Variants in ACTN1 observed in about 807,000 individuals in gnomAD.
ACTN1 encodes actinin alpha 1.
ACTN1 carries 30 observed loss-of-function variants against 119.6 expected under a neutral mutation model. That is an observed-to-expected ratio of 0.25 (90% CI 0.19 to 0.34). The LOEUF is 0.34. ACTN1 is among the 10% of genes least tolerant of loss of function. The pLI, the probability that ACTN1 is intolerant of heterozygous loss-of-function variation, is 1.00. For synonymous variants in ACTN1, 429 were observed against 472.6 expected (o/e 0.91, Z 1.20); for missense variants, 764 against 1,223.4 (o/e 0.62, Z 5.60).
At chr14:68,935,087 A>G (rs1210191826) in intron 1 of ACTN1, among the ~76,000 whole-genome samples, 2 of 152,140 alleles carry the variant, frequency 1.3e-5, no homozygotes, top group African/African-American at 4.8e-5. Flanking sequence ...CAATGGCACA[A>G]TCTCCGCTCA....
At chr14:68,911,606 T>C (rs1364071087) in intron 4 of ACTN1, among the ~76,000 whole-genome samples, 1 of 152,268 alleles carries the variant, frequency 6.6e-6, no homozygotes, top group Non-Finnish European at 1.5e-5. Context: ...TGTAAAAGTT[T>C]GTTTCAGTAT....
chr14:68,925,705 G>A lies in ACTN1; in HGVS notation c.106-33C>T. Reference sequence around the variant, plus strand: ...GAGACAAGAAGGGCAAGTGGTCAGGGGGCTGGTGTTGTCACCCTCATTGGA... The same window carrying A: ...GAGACAAGAAGGGCAAGTGGTCAGGAGGCTGGTGTTGTCACCCTCATTGGA... On this transcript the variant is annotated intron_variant, in intron 1 of 21. Transcript: ENST00000394419. The surrounding 1 kb of genome is among the most constrained non-coding windows in gnomAD (Gnocchi z 4.3). 1 of 1,576,206 alleles carries A rather than the reference G, an allele frequency of 6.3e-7. No individual in the cohort carries two copies. The highest frequency in any genetic ancestry group is 8.7e-7 in the Non-Finnish European group (1 of 1,150,764).
intron 6 of ACTN1, among the ~76,000 whole-genome samples, chr14:68,907,571 CAAAACA>C (rs1005414955): frequency 1.8e-4 from 27 of 151,964 alleles, no homozygotes; most frequent in African/African-American, 6.3e-4. Flanking sequence ...TCTCAAAAAA[CAAAACA>C]AAAACAAAAA....
chr14:68,894,596 G>A (rs945040282), intron 8 of ACTN1, among the ~76,000 whole-genome samples: 6 of 152,174 alleles, frequency 3.9e-5, no homozygotes, highest in Non-Finnish European at 7.3e-5. Context: ...CAAATAGGTG[G>A]TTTTAAAATC....
At chr14:68,938,794 C>G (rs933166984) in intron 1 of ACTN1, among the ~76,000 whole-genome samples, 4 of 152,230 alleles carry the variant, frequency 2.6e-5, no homozygotes, top group Admixed American at 6.5e-5. Flanking sequence ...TTCCCATCCA[C>G]TGTCTATTTA....
Position 68,978,915 on chromosome 14 carries a change from G to A in ACTN1, c.105+37C>T, listed in dbSNP as rs764292076. On this transcript the variant is annotated intron_variant, in intron 1 of 21. Coordinates refer to ENST00000394419, the MANE Select transcript of ACTN1 (RefSeq NM_001130004.2). ...AGAGCGGGTCGGGGCTGGGGGCTGGGGGCTGGGGGCTGCAGCGGGCGGGGG... is the reference window on the plus strand; with the variant it reads ...AGAGCGGGTCGGGGCTGGGGGCTGGAGGCTGGGGGCTGCAGCGGGCGGGGG... The A allele has an allele frequency of 1.2e-5, 17 of 1,425,640 alleles. No individual in the cohort carries two copies. In the African/African-American group the frequency reaches 1.9e-4, roughly 16 times the overall value. 88.3% of individuals were successfully genotyped at this position (1,425,640 alleles called of 1,614,324 possible). A position where few individuals can be genotyped will look rare whatever the true frequency, so the allele number is the denominator to read the frequency against.
chr14:68,959,798 G>A (rs150546247), intron 1 of ACTN1, among the ~76,000 whole-genome samples: 183 of 152,242 alleles, frequency 1.2e-3, no homozygotes, highest in African/African-American at 4.3e-3. Flanking sequence ...CTACAGTTGA[G>A]TCCCCAGAAC....
intron 8 of ACTN1, among the ~76,000 whole-genome samples, chr14:68,900,211 G>A (rs1363648592): frequency 6.6e-6 from 1 of 152,108 alleles, no homozygotes. Context: ...TCTTCCCCAA[G>A]GGCACTTCTA....
chr14:68,952,890 A>G (rs1297652491), intron 1 of ACTN1, among the ~76,000 whole-genome samples: 4 of 152,270 alleles, frequency 2.6e-5, no homozygotes, highest in Non-Finnish European at 4.4e-5. Flanking sequence ...CTGACACCCA[A>G]GCAGGGCACG....
At chr14:68,944,821 C>T (rs2035882672) in intron 1 of ACTN1, among the ~76,000 whole-genome samples, 1 of 152,122 alleles carries the variant, frequency 6.6e-6, no homozygotes, top group Non-Finnish European at 1.5e-5. Flanking sequence ...ATTACACCAG[C>T]ATAACAGGTA....
At chr14:68,897,569 G>A (rs748860056) in intron 8 of ACTN1, among the ~76,000 whole-genome samples, 5 of 152,204 alleles carry the variant, frequency 3.3e-5, no homozygotes, top group Non-Finnish European at 5.9e-5. Flanking sequence ...GCCAGATGAT[G>A]TGCTGTGGCT....
chr14:68,963,480 A>C (rs2036604669), intron 1 of ACTN1, among the ~76,000 whole-genome samples: 1 of 152,230 alleles, frequency 6.6e-6, no homozygotes, highest in Admixed American at 6.5e-5. Flanking sequence ...GATCCACAGT[A>C]AACATGAGTT....
intron 1 of ACTN1, among the ~76,000 whole-genome samples, chr14:68,933,922 A>G (rs2035355722): frequency 1.3e-5 from 2 of 151,434 alleles, no homozygotes. Flanking sequence ...GGCTACAGAG[A>G]GCCATGATTG....
chr14:68,973,275 G>A (rs1327029308), intron 1 of ACTN1, among the ~76,000 whole-genome samples: 5 of 152,296 alleles, frequency 3.3e-5, no homozygotes, highest in African/African-American at 1.2e-4. Context: ...CCACCCAAAC[G>A]TCATCTTGAA....
At position 68,925,753 on chromosome 14, in the gene ACTN1, G is replaced by T; in HGVS notation, c.106-81C>A. On this transcript the variant is annotated intron_variant, in intron 1 of 21. Coordinates refer to ENST00000394419, the MANE Select transcript of ACTN1 (RefSeq NM_001130004.2). The surrounding 1 kb of genome is among the most constrained non-coding windows in gnomAD (Gnocchi z 4.3). ...GGACAAGCCATTTAATGGTGCCAGG[G>T]GGTGGGAGGTGGACACCTACTCAGC... The T allele has an allele frequency of 3.4e-6, 4 of 1,165,318 alleles. No individual in the cohort carries two copies. Among genetic ancestry groups the T allele is most frequent in the East Asian group, 2.5e-5 (1 of 40,372 alleles). 72.2% of individuals were successfully genotyped at this position (1,165,318 alleles called of 1,614,324 possible).
At chr14:68,891,221 G>C (rs1805262) in intron 10 of ACTN1, among the ~76,000 whole-genome samples, 48,209 of 152,022 alleles carry the variant, frequency 0.32, 8,141 homozygotes, top group East Asian at 0.63. Context: ...ACAAAAAGCT[G>C]CGTCATGGCA....
At chr14:68,950,352 C>T (rs1010454715) in intron 1 of ACTN1, among the ~76,000 whole-genome samples, 7 of 148,674 alleles carry the variant, frequency 4.7e-5, no homozygotes, top group Middle Eastern at 3.4e-3. Context: ...GTGATGGTTA[C>T]GCAACAACAT....
intron 2 of ACTN1, among the ~76,000 whole-genome samples, chr14:68,922,291 C>T (rs2034691449): frequency 6.6e-6 from 1 of 152,228 alleles, no homozygotes; most frequent in African/African-American, 2.4e-5. Context: ...AGGTGGCCTC[C>T]CAGCAGCCTG....
chr14:68,942,325 G>A (rs1374672437), intron 1 of ACTN1, among the ~76,000 whole-genome samples: 1 of 152,084 alleles, frequency 6.6e-6, no homozygotes, highest in African/African-American at 2.4e-5. Context: ...AGGCTGCAGT[G>A]AGCCATAATC....
Sources: gnomAD v4.1 joint callset for allele counts (sites outside exome capture counted in the v4.1 genomes callset) on GRCh38, gnomAD v4.1.1 for gene constraint, Gnocchi (gnomAD v3.1) non-coding constraint, MANE v1.5 for transcripts, NCBI Gene and HGNC (gene_info 2026-07-23, HGNC 2026-07-21) for gene names.